The following AK7 variants were observed in gnomAD, a reference collection of about 807,000 sequenced individuals.
The protein encoded by AK7 is adenylate kinase 7.
Under a neutral mutation model 96.6 loss-of-function variants are expected in AK7, and 78 were observed. That is an observed-to-expected ratio of 0.81 (90% CI 0.67 to 0.97). The LOEUF (loss-of-function observed/expected upper bound fraction) is 0.97. Among genes scored for constraint, AK7 ranks in the 50% least tolerant of loss-of-function variants. The pLI is 0.00. For synonymous variants in AK7, 302 were observed against 317.2 expected, an observed-to-expected ratio of 0.95 and a Z score of 0.51; for missense variants, 855 against 887.9, an observed-to-expected ratio of 0.96 and a Z score of 0.47.
intron 2 of AK7, 105 bp downstream of exon 2, chr14:96,398,368 C>T (rs887498323): frequency 2.5e-6 from 3 of 1,210,736 alleles, no homozygotes; most frequent in Middle Eastern, 2.8e-4. Context: ...CCCCTCTCTT[C>T]CACAGACATG....
chr14:96,450,431 TAAAA>T (rs34353872), intron 9 of AK7, among the ~76,000 whole-genome samples: 1 of 138,300 alleles, frequency 7.2e-6, no homozygotes, highest in African/African-American at 2.7e-5. Context: ...TAAAAAAAAT[TAAAA>T]AAAAAAAAAA....
intron 5 of AK7, among the ~76,000 whole-genome samples, chr14:96,427,167 C>A (rs532947059): frequency 6.6e-6 from 1 of 152,162 alleles, no homozygotes; most frequent in African/African-American, 2.4e-5. Context: ...ATCGTTTGAA[C>A]CTGGAAGGCA....
In AK7 at chr14:96,437,816, TCTGTA is replaced by T; in HGVS notation, c.610-18_610-14del. On this transcript the variant is annotated splice_polypyrimidine_tract_variant and intron_variant, in intron 5 of 17. Transcript: ENST00000267584. ...ATAATATTACATCCAGCTTTTTTTT[TCTGTA>T]TTTTATCTAATAGGCCAGAAAATTT... The T allele has an allele frequency of 6.3e-7, 1 of 1,584,550 alleles. No homozygotes were observed. The highest frequency in any genetic ancestry group is 8.6e-7 in the Non-Finnish European group (1 of 1,163,358).
chr14:96,404,809 T>A lies in AK7; in HGVS notation c.347T>A (p.Ile116Asn), dbSNP rs745896900. The change falls in exon 3 of 18, where the codon ATT becomes AAT. Residue 116 changes from isoleucine to asparagine, a missense_variant. By Grantham distance (149) the Ile-to-Asn change is moderately radical. Transcript: ENST00000267584. Reference sequence around the variant, plus strand: ...CGCCTGCTGGAGTGTGATGTTATTATTTATAACATCACTGAGAGCTCACAG... The same window carrying A: ...CGCCTGCTGGAGTGTGATGTTATTAATTATAACATCACTGAGAGCTCACAG... Reference protein sequence around the residue: ...LMRLLECDVIIYNITESSQQM... With the variant: ...LMRLLECDVINYNITESSQQM... 3 of 1,610,932 alleles carry A rather than the reference T, an allele frequency of 1.9e-6. No individual in the cohort carries two copies. In the Admixed American group the frequency reaches 5.0e-5, roughly 27 times the overall value.
intron 15 of AK7, 135 bp from the exon 16 acceptor site, chr14:96,482,864 G>C: frequency 1.1e-6 from 1 of 919,330 alleles, no homozygotes; most frequent in Non-Finnish European, 1.6e-6. Context: ...GAACTATGCT[G>C]GCAATTAGAA....
chr14:96,473,267 T>C (rs556570253), intron 14 of AK7, among the ~76,000 whole-genome samples: 60 of 149,682 alleles, frequency 4.0e-4, no homozygotes, highest in African/African-American at 1.4e-3. Flanking sequence ...GCCTCCCGGG[T>C]TCACGCCATT....
At chr14:96,487,468 C>T (rs1207176609) in intron 17 of AK7, among the ~76,000 whole-genome samples, 5 of 133,658 alleles carry the variant, frequency 3.7e-5, no homozygotes, top group African/African-American at 2.8e-5. Flanking sequence ...CTCACTCTGT[C>T]GTCCAGGCTG....
At position 96,446,597 on chromosome 14, in the gene AK7, A is replaced by T; in HGVS notation, c.860A>T (p.Asp287Val). Residue 287 changes from aspartate to valine, a missense_variant, in exon 8 of 18, where the codon GAC becomes GTC. Physicochemically the swap from Asp to Val is radical, Grantham distance 152. Coordinates refer to ENST00000267584, the MANE Select transcript of AK7 (RefSeq NM_152327.5). The part of the protein sequence containing the change: ...AVDESVHTLE[D>V]IVKCISKNTG... ...GATGAGTCTGTTCATACCCTGGAAG[A>T]CATAGTCAAGGTACAGTGGTTTCAT... 6.2e-7 allele frequency: 1 copy of T among 1,614,008 alleles called. No homozygotes were observed. The highest frequency in any genetic ancestry group is 8.5e-7 in the Non-Finnish European group (1 of 1,179,860).
intron 12 of AK7, among the ~76,000 whole-genome samples, chr14:96,461,493 G>C (rs887281108): frequency 6.6e-6 from 1 of 152,126 alleles, no homozygotes; most frequent in East Asian, 1.9e-4. Flanking sequence ...CTAGAAACAG[G>C]GTGCCAGGAG....
intron 2 of AK7, among the ~76,000 whole-genome samples, chr14:96,404,397 T>C (rs1040461145): frequency 5.9e-5 from 9 of 152,252 alleles, no homozygotes; most frequent in Non-Finnish European, 1.0e-4. Context: ...GGTATATAAT[T>C]GCTCAAATAA....
intron 12 of AK7, among the ~76,000 whole-genome samples, chr14:96,466,753 G>A (rs182843714): frequency 3.1e-4 from 47 of 152,156 alleles, no homozygotes; most frequent in Admixed American, 1.2e-3. Flanking sequence ...ATACACGGCC[G>A]GAGAGAGTTG....
intron 10 of AK7, among the ~76,000 whole-genome samples, chr14:96,452,228 G>C (rs967692912): frequency 3.3e-5 from 5 of 152,068 alleles, no homozygotes; most frequent in African/African-American, 1.2e-4. Flanking sequence ...TAACATCCGT[G>C]TTAACTCACA....
chr14:96,446,017 G>T (rs569159012), intron 7 of AK7, among the ~76,000 whole-genome samples: 1 of 152,334 alleles, frequency 6.6e-6, no homozygotes, highest in South Asian at 2.1e-4. Context: ...TGGCAACTGG[G>T]ATAGGAAAGC....
intron 12 of AK7, among the ~76,000 whole-genome samples, chr14:96,466,009 CA>C (rs528356355): frequency 0.091 from 9,746 of 107,620 alleles, 417 homozygotes; most frequent in African/African-American, 0.17. Context: ...GACTCCATCT[CA>C]AAAAAAAAAA....
chr14:96,482,128 C>T (rs538380458), intron 15 of AK7, among the ~76,000 whole-genome samples: 5 of 151,802 alleles, frequency 3.3e-5, no homozygotes, highest in South Asian at 2.1e-4. Flanking sequence ...GGAGGGGTGG[C>T]GGCTCATGCC....
chr14:96,480,337 C>T (rs1287765448), intron 15 of AK7, among the ~76,000 whole-genome samples: 1 of 151,424 alleles, frequency 6.6e-6, no homozygotes, highest in African/African-American at 2.4e-5. Context: ...GAGGCTGAGG[C>T]AGGAGAATCA....
intron 12 of AK7, among the ~76,000 whole-genome samples, chr14:96,461,413 G>A (rs1013873552): frequency 1.3e-5 from 2 of 152,148 alleles, no homozygotes; most frequent in East Asian, 3.9e-4. Flanking sequence ...AGGGGTGTGG[G>A]ACTGGGAGTT....
intron 5 of AK7, among the ~76,000 whole-genome samples, chr14:96,435,813 C>T (rs1892606704): frequency 6.6e-6 from 1 of 152,154 alleles, no homozygotes; most frequent in African/African-American, 2.4e-5. Flanking sequence ...TTTCTTTCTG[C>T]TCTAACAGGA....
chr14:96,406,187 G>T (rs1260550837), intron 3 of AK7, among the ~76,000 whole-genome samples: 1 of 152,102 alleles, frequency 6.6e-6, no homozygotes, highest in Non-Finnish European at 1.5e-5. Context: ...CCAGTGCTGG[G>T]ATTACAGGAG....
Sources: allele counts gnomAD v4.1 joint callset (sites outside exome capture counted in the v4.1 genomes callset), GRCh38; gene constraint gnomAD v4.1.1; transcripts MANE v1.5; gene names NCBI Gene and HGNC (gene_info 2026-07-23, HGNC 2026-07-21).